Variants in BEND3 observed in about 807,000 individuals in gnomAD.
BEND3 encodes BEN domain-containing protein 3.
A neutral mutation model predicts 60.1 loss-of-function variants in BEND3; 13 were observed. The observed-to-expected ratio is 0.22, with a 90% CI of 0.14 to 0.34. BEND3 has a LOEUF of 0.34. BEND3 is among the 10% of genes least tolerant of loss of function. The pLI is 1.00. For synonymous variants in BEND3, 497 were observed against 491.5 expected (o/e 1.01, Z -0.15); for missense variants, 896 against 1,138.1 (o/e 0.79, Z 3.06).
chr6:107,084,341 G>A (rs1335459757), intron 3 of BEND3, among the ~76,000 whole-genome samples: 9 of 152,252 alleles, frequency 5.9e-5, no homozygotes, highest in Admixed American at 2.6e-4. Context: ...TCTACTGAGA[G>A]GTGAAGCCAG....
chr6:107,070,863 T>C lies in BEND3; in HGVS notation c.328A>G (p.Asn110Asp). ...GGCTCCTCCTCTCCAGGCCACACAT[T>C]GCCCAGGCTCCTGCCCCTGCCGGCC... Reference protein sequence around the residue: ...EQAGRGRSLGNVWPGEEEPCN... With the variant: ...EQAGRGRSLGDVWPGEEEPCN... Residue 110 changes from asparagine (N) to aspartate (D), a missense_variant, in exon 4 of 4, where the codon AAT (asparagine) becomes GAT (aspartate). Transcript: ENST00000369042. This position sits in a 1 kb window ranked among gnomAD's most constrained non-coding sequence, Gnocchi z 6.9. 1 of 1,613,942 alleles carries C rather than the reference T, an allele frequency of 6.2e-7. No homozygotes were observed.
chr6:107,097,508 T>C (rs1428625296), intron 3 of BEND3, among the ~76,000 whole-genome samples: 2 of 147,022 alleles, frequency 1.4e-5, no homozygotes, highest in Non-Finnish European at 1.5e-5. Context: ...GTATCACTCA[T>C]GGCCAGGCAC....
At position 107,069,130 on chromosome 6, in the gene BEND3, G is replaced by C. The variant is rs781803404; in HGVS notation, c.2061C>G (p.Pro687=). The C allele has an allele frequency of 1.8e-5, 29 of 1,612,718 alleles. No individual in the cohort carries two copies. The highest frequency in any genetic ancestry group is 2.4e-5 in the Non-Finnish European group (28 of 1,179,998). The change falls in exon 4 of 4, where the codon CCC becomes CCG. Residue 687 remains proline (P), a synonymous_variant. Coordinates refer to ENST00000369042, the MANE Select transcript of BEND3 (RefSeq NM_001367314.1). ...TGCTGCTCCTCTCGGGGGGCAGTGGGGGCCCCTCAAACTCCTCCCGGAACC... is the reference window on the plus strand; with the variant it reads ...TGCTGCTCCTCTCGGGGGGCAGTGGCGGCCCCTCAAACTCCTCCCGGAACC... ...PERFREEFEG[P]PLPPERSSKD...
At chr6:107,076,243 G>A (rs1480148066) in intron 3 of BEND3, among the ~76,000 whole-genome samples, 1 of 152,150 alleles carries the variant, frequency 6.6e-6, no homozygotes, top group Non-Finnish European at 1.5e-5. Context: ...CTGTCTAGGA[G>A]TATCAAGAAA....
chr6:107,111,709 C>T (rs1347142397), intron 1 of BEND3, among the ~76,000 whole-genome samples: 2 of 152,100 alleles, frequency 1.3e-5, no homozygotes, highest in Non-Finnish European at 2.9e-5. Flanking sequence ...AGGCCAGGCG[C>T]GATGGCTTAC....
intron 3 of BEND3, among the ~76,000 whole-genome samples, chr6:107,090,787 A>G (rs1483985317): frequency 6.6e-6 from 1 of 152,148 alleles, no homozygotes; most frequent in Admixed American, 6.6e-5. Context: ...AAAAATATTT[A>G]AGAAAAAAGT....
chr6:107,076,790 T>C (rs777163630), intron 3 of BEND3, among the ~76,000 whole-genome samples: 1 of 152,178 alleles, frequency 6.6e-6, no homozygotes, highest in Admixed American at 6.5e-5. Context: ...GCATGAATGA[T>C]GCTTATACCA....
chr6:107,078,884 C>T (rs1462313183), intron 3 of BEND3, among the ~76,000 whole-genome samples: 1 of 151,706 alleles, frequency 6.6e-6, no homozygotes, highest in African/African-American at 2.4e-5. Flanking sequence ...AGGGCTCCAC[C>T]CTCAGGCCTG....
intron 3 of BEND3, among the ~76,000 whole-genome samples, chr6:107,084,221 G>A (rs536431519): frequency 1.3e-5 from 2 of 152,340 alleles, no homozygotes; most frequent in African/African-American, 4.8e-5. Flanking sequence ...CACTAGGGCA[G>A]GGAAACCTGA....
intron 1 of BEND3, among the ~76,000 whole-genome samples, chr6:107,111,706 G>A (rs564003752): frequency 1.3e-5 from 2 of 152,010 alleles, no homozygotes; most frequent in African/African-American, 2.4e-5. Context: ...ACCAGGCCAG[G>A]CGCGATGGCT....
At chr6:107,087,227 G>T (rs1323067876) in intron 3 of BEND3, among the ~76,000 whole-genome samples, 17 of 151,912 alleles carry the variant, frequency 1.1e-4, no homozygotes, top group African/African-American at 4.1e-4. Context: ...GCTGAGGCAG[G>T]AGAATTGCTT....
chr6:107,103,436 T>A (rs1775741800), intron 1 of BEND3, among the ~76,000 whole-genome samples: 2 of 152,130 alleles, frequency 1.3e-5, no homozygotes, highest in Non-Finnish European at 1.5e-5. Flanking sequence ...AGCACCCACC[T>A]CCTAAAGGCT....
At chr6:107,100,080 A>C (rs1332115672) in intron 1 of BEND3, among the ~76,000 whole-genome samples, 3 of 152,046 alleles carry the variant, frequency 2.0e-5, no homozygotes, top group Non-Finnish European at 4.4e-5. Context: ...CACTATGTTG[A>C]CCAGGCTGCT....
At chr6:107,094,535 C>A (rs573343961) in intron 3 of BEND3, among the ~76,000 whole-genome samples, 1 of 151,778 alleles carries the variant, frequency 6.6e-6, no homozygotes, top group East Asian at 1.9e-4. Flanking sequence ...GCAGGAGAAT[C>A]GCTTGAACCC....
In BEND3 at chr6:107,069,148, C is replaced by T; in HGVS notation, c.2043G>A (p.Arg681=). ...GCAGTGGGGGCCCCTCAAACTCCTC[C>T]CGGAACCTCTCGGGGTTGATTGCAT... ...TSYAINPERF[R]EEFEGPPLPP... is the part of the protein sequence containing the mutation. Residue 681 remains arginine, a synonymous_variant, in exon 4 of 4, where the codon CGG becomes CGA. Coordinates refer to ENST00000369042, the MANE Select transcript of BEND3 (RefSeq NM_001367314.1). The T allele has an allele frequency of 6.2e-7, 1 of 1,612,730 alleles. No homozygotes were observed. Among genetic ancestry groups the T allele is most frequent in the Non-Finnish European group, 8.5e-7 (1 of 1,180,016 alleles).
At chr6:107,114,654 A>G (rs1197804042) in intron 1 of BEND3, among the ~76,000 whole-genome samples, 1 of 136,780 alleles carries the variant, frequency 7.3e-6, no homozygotes, top group Non-Finnish European at 1.6e-5. Flanking sequence ...CGCCGCGAGT[A>G]CGGCAGAGCC....
rs782409997 is a variant in BEND3, at chr6:107,069,547, C to A, written c.1644G>T (p.Val548=). The change falls in exon 4 of 4, where the codon GTG becomes GTT. Residue 548 remains valine (V), a synonymous_variant. Coordinates refer to ENST00000369042, the MANE Select transcript of BEND3 (RefSeq NM_001367314.1). ...KLEIPQPDFE[V]PGADCLLSKE... ...TGCTGAGCAGGCAGTCGGCACCGGG[C>A]ACCTCGAAGTCAGGCTGGGGGATCT... is the stretch of plus-strand genomic sequence containing the variant. 6.2e-7 allele frequency: 1 copy of A among 1,613,228 alleles called. No individual in the cohort carries two copies. Among genetic ancestry groups the A allele is most frequent in the South Asian group, 1.1e-5 (1 of 91,086 alleles).
chr6:107,100,977 G>A (rs782776250), intron 1 of BEND3, among the ~76,000 whole-genome samples: 6 of 152,098 alleles, frequency 3.9e-5, no homozygotes, highest in Non-Finnish European at 8.8e-5. Flanking sequence ...TGGGGTGGGC[G>A]AATCACCTGG....
chr6:107,106,673 G>A (rs112649538), intron 1 of BEND3, among the ~76,000 whole-genome samples: 244 of 152,200 alleles, frequency 1.6e-3, no homozygotes, highest in African/African-American at 5.7e-3. Context: ...GCAGCAGTAT[G>A]ATCAGAGCTC....
Sources: allele counts gnomAD v4.1 joint callset (sites outside exome capture counted in the v4.1 genomes callset), GRCh38; gene constraint gnomAD v4.1.1; non-coding constraint Gnocchi (gnomAD v3.1); transcripts MANE v1.5; gene names NCBI Gene and HGNC (gene_info 2026-07-23, HGNC 2026-07-21).